AGPAT3: variants seen among roughly 807,000 people sequenced by gnomAD.
The protein encoded by AGPAT3 is 1-acyl-sn-glycerol-3-phosphate acyltransferase gamma.
In AGPAT3, 5 loss-of-function variants were observed where a neutral mutation model predicts 47.3. That is an observed-to-expected ratio of 0.11 (90% CI 0.06 to 0.22). AGPAT3 has a LOEUF of 0.22. AGPAT3 is among the 10% of genes least tolerant of loss of function. The pLI, the probability that AGPAT3 is intolerant of heterozygous loss-of-function variation, is 1.00. For missense variants in AGPAT3, 315 were observed against 493.0 expected (o/e 0.64, Z 3.42); for synonymous variants, 212 against 208.3 (o/e 1.02, Z -0.15).
At chr21:43,889,907 TG>T (rs1478692899) in intron 1 of AGPAT3, among the ~76,000 whole-genome samples, 1 of 152,146 alleles carries the variant, frequency 6.6e-6, no homozygotes, top group African/African-American at 2.4e-5. Flanking sequence ...TGAAATGGGG[TG>T]GCCATTGCAA....
At chr21:43,869,962 T>A (rs1453779744) in intron 1 of AGPAT3, among the ~76,000 whole-genome samples, 2 of 152,226 alleles carry the variant, frequency 1.3e-5, no homozygotes, top group Non-Finnish European at 2.9e-5. Context: ...CACCTTGGCC[T>A]CCCCAGTAAC....
intron 2 of AGPAT3, among the ~76,000 whole-genome samples, chr21:43,951,514 G>A (rs2088190787): frequency 6.6e-6 from 1 of 152,210 alleles, no homozygotes; most frequent in Non-Finnish European, 1.5e-5. Context: ...ATAGTTGCCA[G>A]TGGTGACATC....
rs2146069952 is a variant in AGPAT3, at chr21:43,908,249, C to T, written c.-49+4230C>T. Among the ~76,000 whole-genome samples, 1 of 152,278 alleles carries T rather than the reference C, an allele frequency of 6.6e-6. No individual in the cohort carries two copies. Among genetic ancestry groups the T allele is most frequent in the Middle Eastern group, 3.4e-3 (1 of 294 alleles). ...GGGGTGAATTTGGTGATATCCAGAG[C>T]TGGCAGCTTTGTTGGGGCTGGTCAC... On this transcript the variant is annotated intron_variant, in intron 2 of 9. Coordinates refer to ENST00000291572, the MANE Select transcript of AGPAT3 (RefSeq NM_020132.5). The surrounding 1 kb of genome is among the most constrained non-coding windows in gnomAD (Gnocchi z 4.9).
chr21:43,918,495 T>G (rs2086810387), intron 2 of AGPAT3, among the ~76,000 whole-genome samples: 1 of 151,816 alleles, frequency 6.6e-6, no homozygotes, highest in Non-Finnish European at 1.5e-5. Flanking sequence ...AGAGAAGAGA[T>G]AAAAATAATT....
chr21:43,973,195 T>C (rs533082265), intron 7 of AGPAT3, among the ~76,000 whole-genome samples: 1 of 152,362 alleles, frequency 6.6e-6, no homozygotes, highest in East Asian at 1.9e-4. Context: ...CCGGGGTCAG[T>C]GGGGCCACGA....
chr21:43,928,337 A>G (rs1255371587), intron 2 of AGPAT3, among the ~76,000 whole-genome samples: 3 of 152,228 alleles, frequency 2.0e-5, no homozygotes, highest in Non-Finnish European at 4.4e-5. Context: ...GTTAAGGAAT[A>G]TACACACAGG....
intron 1 of AGPAT3, among the ~76,000 whole-genome samples, chr21:43,895,414 T>A (rs1273956728): frequency 1.3e-5 from 2 of 152,076 alleles, no homozygotes; most frequent in African/African-American, 2.4e-5. Context: ...CAGCCTGTTA[T>A]CAGCATTTTA....
At chr21:43,887,202 T>C (rs544799025) in intron 1 of AGPAT3, among the ~76,000 whole-genome samples, 1 of 152,378 alleles carries the variant, frequency 6.6e-6, no homozygotes, top group East Asian at 1.9e-4. Context: ...CATTGCCTTC[T>C]TGGTGCCTGT....
intron 1 of AGPAT3, among the ~76,000 whole-genome samples, chr21:43,871,167 A>G (rs2085616714): frequency 6.6e-6 from 1 of 152,240 alleles, no homozygotes; most frequent in African/African-American, 2.4e-5. Context: ...AAGTAACTGA[A>G]CTAATTAAAT....
intron 1 of AGPAT3, among the ~76,000 whole-genome samples, chr21:43,881,960 TA>T (rs2085862949): frequency 6.6e-6 from 1 of 152,266 alleles, no homozygotes; most frequent in South Asian, 2.1e-4. Flanking sequence ...CACGGCCTAT[TA>T]AAAACATTTT....
chr21:43,976,914 G>A (rs1043205340), intron 7 of AGPAT3, among the ~76,000 whole-genome samples: 11 of 152,290 alleles, frequency 7.2e-5, no homozygotes, highest in East Asian at 3.8e-4. Flanking sequence ...AGTCACCACC[G>A]TCATCCTAGC....
intron 1 of AGPAT3, among the ~76,000 whole-genome samples, chr21:43,870,320 A>C (rs550324530): frequency 6.6e-6 from 1 of 152,186 alleles, no homozygotes; most frequent in African/African-American, 2.4e-5. Flanking sequence ...GTTAGAAAAT[A>C]TGTTTGTCGT....
At chr21:43,915,405 CTTTTTTTTTTTTTTT>C (rs747494231) in intron 2 of AGPAT3, among the ~76,000 whole-genome samples, 1 of 38,848 alleles carries the variant, frequency 2.6e-5, no homozygotes. Context: ...TCTTGATTAG[CTTTTTTTTTTTTTTT>C]TTTTTTTTTT....
At chr21:43,972,787 T>C (rs891853423) in intron 7 of AGPAT3, among the ~76,000 whole-genome samples, 2 of 152,218 alleles carry the variant, frequency 1.3e-5, no homozygotes, top group African/African-American at 4.8e-5. Flanking sequence ...GGCAGGCCTT[T>C]GAGGCACGAA....
Position 43,987,363 on chromosome 21 carries a change from C to T in AGPAT3, c.*4971C>T, listed in dbSNP as rs2030393917. Among the ~76,000 whole-genome samples the T allele has an allele frequency of 6.6e-6, 1 of 152,148 alleles. No homozygotes were observed. Among genetic ancestry groups the T allele is most frequent in the Non-Finnish European group, 1.5e-5 (1 of 68,034 alleles). The stretch of plus-strand genomic sequence containing the variant: ...GGAAATTGAAAAGGAGAGCGGTCAC[C>T]TGGCAAAAACACAGGGGAAATCAGC... On this transcript the variant is annotated 3_prime_UTR_variant, in exon 10 of 10. Transcript: ENST00000291572.
chr21:43,972,884 A>C (rs539243411), intron 7 of AGPAT3, among the ~76,000 whole-genome samples: 2 of 152,326 alleles, frequency 1.3e-5, no homozygotes, highest in South Asian at 4.1e-4. Context: ...CCTCCTTGCC[A>C]CATGTAAAGC....
intron 2 of AGPAT3, among the ~76,000 whole-genome samples, chr21:43,942,441 C>T (rs1334187921): frequency 2.0e-5 from 3 of 152,184 alleles, no homozygotes; most frequent in African/African-American, 4.8e-5. Context: ...ACCCTGCATT[C>T]GCCACACGTG....
intron 2 of AGPAT3, among the ~76,000 whole-genome samples, chr21:43,944,132 G>A (rs376990393): frequency 2.0e-5 from 3 of 152,240 alleles, no homozygotes; most frequent in Non-Finnish European, 2.9e-5. Context: ...ACAGCACCAC[G>A]TGTGCTAGGG....
intron 2 of AGPAT3, among the ~76,000 whole-genome samples, chr21:43,937,311 T>C (rs1206784706): frequency 6.6e-6 from 1 of 152,242 alleles, no homozygotes; most frequent in Non-Finnish European, 1.5e-5. Flanking sequence ...TGAATTGAGC[T>C]GAAAGTAGCA....
Sources: gnomAD v4.1 joint callset for allele counts (sites outside exome capture counted in the v4.1 genomes callset) on GRCh38, gnomAD v4.1.1 for gene constraint, Gnocchi (gnomAD v3.1) non-coding constraint, MANE v1.5 for transcripts, NCBI Gene and HGNC (gene_info 2026-07-23, HGNC 2026-07-21) for gene names.